Variants in NCALD observed in about 807,000 individuals in gnomAD.
The protein encoded by NCALD is neurocalcin-delta.
A neutral mutation model predicts 18.6 loss-of-function variants in NCALD; 10 were observed. The observed-to-expected ratio is 0.54, with a 90% CI of 0.33 to 0.91. The LOEUF is 0.91. NCALD is among the 40% of genes least tolerant of loss of function. NCALD has a pLI of 0.03. For synonymous variants in NCALD, 88 were observed against 87.4 expected (o/e 1.01, Z -0.04); for missense variants, 184 against 247.6 (o/e 0.74, Z 1.72).
chr8:101,862,276 T>G (rs994747770), intron 4 of NCALD, among the ~76,000 whole-genome samples: 1 of 152,154 alleles, frequency 6.6e-6, no homozygotes, highest in Non-Finnish European at 1.5e-5. Flanking sequence ...AGTTCCTATG[T>G]AAAGTAAATC....
At chr8:101,875,301 C>T (rs1037473498) in intron 4 of NCALD, among the ~76,000 whole-genome samples, 12 of 152,214 alleles carry the variant, frequency 7.9e-5, no homozygotes, top group African/African-American at 2.7e-4. Flanking sequence ...CATCCTGTTC[C>T]GGGAGCTCCC....
At chr8:101,715,189 T>C (rs1816017844) in intron 2 of NCALD, among the ~76,000 whole-genome samples, 2 of 152,068 alleles carry the variant, frequency 1.3e-5, no homozygotes, top group Admixed American at 1.3e-4. Context: ...TCTACAACCA[T>C]CTGATCTTTG....
intron 3 of NCALD, among the ~76,000 whole-genome samples, chr8:101,893,062 C>G (rs1250248217): frequency 6.6e-6 from 1 of 150,472 alleles, no homozygotes; most frequent in African/African-American, 2.5e-5. Flanking sequence ...ACATAATTGT[C>G]AGATTCACCA....
intron 2 of NCALD, among the ~76,000 whole-genome samples, chr8:101,711,179 C>T (rs1433181430): frequency 6.6e-6 from 1 of 152,118 alleles, no homozygotes; most frequent in East Asian, 1.9e-4. Context: ...GAGGGGCCTG[C>T]CTGCTAGAAG....
At position 101,689,427 on chromosome 8, in the gene NCALD, T is replaced by A. The variant is rs758751538; in HGVS notation, c.485-21A>T. On this transcript the variant is annotated intron_variant, in intron 3 of 3. Transcript: ENST00000220931. This position sits in a 1 kb window ranked among gnomAD's most constrained non-coding sequence, Gnocchi z 4.4. ...TTTTCCTAGGAAGCAAGAGGACAGG[T>A]GAGTGGTGGCTGGTGGCAGCTGCAT... is the stretch of plus-strand genomic sequence containing the variant. 1 of 1,573,982 alleles carries A rather than the reference T, an allele frequency of 6.4e-7. No individual in the cohort carries two copies. Among genetic ancestry groups the A allele is most frequent in the African/African-American group, 1.4e-5 (1 of 73,790 alleles).
At chr8:101,738,229 A>G (rs932019153) in intron 1 of NCALD, among the ~76,000 whole-genome samples, 4 of 152,166 alleles carry the variant, frequency 2.6e-5, no homozygotes, top group African/African-American at 4.8e-5. Context: ...TATACTCACT[A>G]CAAAGCTGGC....
intron 1 of NCALD, among the ~76,000 whole-genome samples, chr8:101,764,966 G>C (rs1158928008): frequency 6.6e-6 from 1 of 152,122 alleles, no homozygotes; most frequent in African/African-American, 2.4e-5. Context: ...GCTAATCATA[G>C]AGCCTGCCTC....
intron 4 of NCALD, among the ~76,000 whole-genome samples, chr8:101,877,568 T>C (rs1333387748): frequency 6.6e-6 from 1 of 152,208 alleles, no homozygotes; most frequent in Non-Finnish European, 1.5e-5. Flanking sequence ...TTTTCAACAG[T>C]ATTTTACCAG....
intron 2 of NCALD, among the ~76,000 whole-genome samples, chr8:101,976,957 C>A (rs138275127): frequency 4.0e-5 from 6 of 148,934 alleles, no homozygotes; most frequent in African/African-American, 1.3e-4. Context: ...AGGGACAGTG[C>A]CAGGAAGTTA....
rs1004192055 is a variant in NCALD at position 101,732,814 on chromosome 8, G to A, written c.-19-13166C>T. On this transcript the variant is annotated intron_variant, in intron 1 of 3. Coordinates refer to ENST00000220931, the MANE Select transcript of NCALD (RefSeq NM_032041.3). Reference sequence around the variant, plus strand: ...AGACGGGTTTTTGGCATGTTGACCAGGTTGGTCTCAAACTCCTGGCCTCAA... The same window carrying A: ...AGACGGGTTTTTGGCATGTTGACCAAGTTGGTCTCAAACTCCTGGCCTCAA... Among the ~76,000 whole-genome samples the A allele has an allele frequency of 2.6e-5, 4 of 152,110 alleles. No homozygotes were observed. The East Asian group carries it at 5.8e-4, about 22-fold the overall frequency.
chr8:102,048,539 T>C (rs1358314099), intron 1 of NCALD, among the ~76,000 whole-genome samples: 1 of 152,204 alleles, frequency 6.6e-6, no homozygotes, highest in East Asian at 1.9e-4. Context: ...CAAGAGGCCA[T>C]TTGGCTACGA....
chr8:101,952,131 C>G (rs1819450389), intron 2 of NCALD, among the ~76,000 whole-genome samples: 1 of 152,216 alleles, frequency 6.6e-6, no homozygotes, highest in South Asian at 2.1e-4. Flanking sequence ...GAACCGACTG[C>G]TGAGTGTATC....
intron 3 of NCALD, among the ~76,000 whole-genome samples, chr8:101,906,218 A>G (rs1056714493): frequency 3.9e-5 from 6 of 152,136 alleles, no homozygotes; most frequent in Non-Finnish European, 8.8e-5. Flanking sequence ...TCCCTTCCCC[A>G]TTTCCCTCAC....
chr8:102,105,803 G>C (rs375176484), intron 1 of NCALD, among the ~76,000 whole-genome samples: 1 of 152,084 alleles, frequency 6.6e-6, no homozygotes, highest in Non-Finnish European at 1.5e-5. Flanking sequence ...GACCTGCTGG[G>C]TGCGACTCCT....
intron 1 of NCALD, among the ~76,000 whole-genome samples, chr8:101,776,364 C>A (rs1203256520): frequency 6.6e-6 from 1 of 152,132 alleles, no homozygotes; most frequent in Non-Finnish European, 1.5e-5. Context: ...TTATCAGGTA[C>A]CTGCTTTGTG....
At chr8:101,765,571 T>C (rs1330071462) in intron 1 of NCALD, among the ~76,000 whole-genome samples, 1 of 152,250 alleles carries the variant, frequency 6.6e-6, no homozygotes, top group Non-Finnish European at 1.5e-5. Flanking sequence ...TCTTTGTTCA[T>C]GCTCAGAATA....
chr8:101,694,945 CAA>C (rs1271933998), intron 2 of NCALD, among the ~76,000 whole-genome samples: 1 of 152,160 alleles, frequency 6.6e-6, no homozygotes, highest in Non-Finnish European at 1.5e-5. Context: ...TTCACACCAG[CAA>C]AAGTCTTGAG....
intron 1 of NCALD, among the ~76,000 whole-genome samples, chr8:101,754,584 C>T (rs748281192): frequency 6.6e-6 from 1 of 152,152 alleles, no homozygotes; most frequent in Non-Finnish European, 1.5e-5. Flanking sequence ...CCATTCATGA[C>T]ATAATCACTT....
chr8:101,908,086 G>A (rs945682350), intron 3 of NCALD, among the ~76,000 whole-genome samples: 1 of 152,144 alleles, frequency 6.6e-6, no homozygotes, highest in Non-Finnish European at 1.5e-5. Context: ...TAAGCAAGGT[G>A]TAAACAAGAA....
Sources: allele counts gnomAD v4.1 joint callset (sites outside exome capture counted in the v4.1 genomes callset), GRCh38; gene constraint gnomAD v4.1.1; non-coding constraint Gnocchi (gnomAD v3.1); transcripts MANE v1.5; gene names NCBI Gene and HGNC (gene_info 2026-07-23, HGNC 2026-07-21).